The following CCDC146 variants were observed in gnomAD, a reference collection of about 807,000 sequenced individuals.
CCDC146 encodes the protein coiled-coil domain containing 146.
In CCDC146, 92 loss-of-function variants were observed where a neutral mutation model predicts 119.3. That is an observed-to-expected ratio of 0.77 (90% CI 0.65 to 0.92). CCDC146 has a LOEUF of 0.92. CCDC146 is among the 40% of genes least tolerant of loss of function. The pLI is 0.00. For missense variants in CCDC146, 1,000 were observed against 1,103.0 expected (o/e 0.91, Z 1.32); for synonymous variants, 372 against 371.8 (o/e 1.00, Z -0.01).
At chr7:77,274,795 G>A (rs957815481) in intron 11 of CCDC146, 143 bp downstream of exon 11, 5 of 604,692 alleles carry the variant, frequency 8.3e-6, no homozygotes, top group Non-Finnish European at 1.4e-5. Flanking sequence ...ACCAAACATT[G>A]CATGTTCTCA....
At chr7:77,148,708 A>T (rs578250724) in intron 1 of CCDC146, among the ~76,000 whole-genome samples, 1 of 152,288 alleles carries the variant, frequency 6.6e-6, no homozygotes, top group African/African-American at 2.4e-5. Context: ...GCACCAAATC[A>T]TGAGTAAACT....
intron 1 of CCDC146, among the ~76,000 whole-genome samples, chr7:77,153,408 G>A (rs1194210882): frequency 6.7e-6 from 1 of 149,620 alleles, no homozygotes; most frequent in Non-Finnish European, 1.5e-5. Context: ...TTCCAGCAAG[G>A]AGGACAGTGG....
At chr7:77,126,913 C>T (rs1406452184) in intron 1 of CCDC146, among the ~76,000 whole-genome samples, 2 of 152,090 alleles carry the variant, frequency 1.3e-5, no homozygotes, top group African/African-American at 4.8e-5. Flanking sequence ...GAAGGTAGAG[C>T]CTTACTGGGG....
chr7:77,130,597 C>CT (rs34309739), intron 1 of CCDC146, among the ~76,000 whole-genome samples: 4,940 of 125,720 alleles, frequency 0.039, 212 homozygotes, highest in African/African-American at 0.1. Context: ...TCCTTTCTTT[C>CT]TTTTTTTTTT....
intron 1 of CCDC146, among the ~76,000 whole-genome samples, chr7:77,166,543 G>T (rs897314377): frequency 6.3e-4 from 96 of 151,284 alleles, no homozygotes; most frequent in African/African-American, 2.2e-3. Context: ...TTGCAGAAAA[G>T]TGAGCCAGAA....
At chr7:77,133,520 ATTTG>A (rs1038492310) in intron 1 of CCDC146, among the ~76,000 whole-genome samples, 1 of 151,810 alleles carries the variant, frequency 6.6e-6, no homozygotes, top group African/African-American at 2.4e-5. Flanking sequence ...CCTAGCTAAT[ATTTG>A]TATTTTTAGT....
intron 2 of CCDC146, among the ~76,000 whole-genome samples, chr7:77,182,421 A>G (rs1446726847): frequency 2.6e-5 from 4 of 152,150 alleles, no homozygotes; most frequent in African/African-American, 7.2e-5. Context: ...TGATTGTTTT[A>G]CCATCTTATA....
chr7:77,219,260 T>G (rs1411477061), intron 2 of CCDC146, among the ~76,000 whole-genome samples: 1 of 152,224 alleles, frequency 6.6e-6, no homozygotes, highest in Admixed American at 6.5e-5. Context: ...ATCTATTTTT[T>G]AAACTTAAAA....
intron 9 of CCDC146, among the ~76,000 whole-genome samples, chr7:77,271,637 A>C (rs1793524284): frequency 6.8e-6 from 1 of 148,062 alleles, no homozygotes; most frequent in African/African-American, 2.5e-5. Context: ...TTGGCTAGGC[A>C]ACCAGGAGGC....
chr7:77,254,533 A>G lies in CCDC146; in HGVS notation c.477A>G (p.Val159=), dbSNP rs768528938. The G allele has an allele frequency of 6.5e-7, 1 of 1,548,458 alleles. No homozygotes were observed. Among genetic ancestry groups the G allele is most frequent in the East Asian group, 2.3e-5 (1 of 44,416 alleles). ...NSLKEEKIII[V]KEFEKITKPG... is the part of the protein sequence containing the mutation. ...TAAAGGAAGAAAAAATCATCATAGT[A>G]AAAGAATTTGAGAAGATAACAAAGC... The change falls in exon 5 of 19, where the codon GTA becomes GTG. Residue 159 remains valine, a synonymous_variant. Coordinates refer to ENST00000285871, the MANE Select transcript of CCDC146 (RefSeq NM_020879.3).
At chr7:77,205,841 T>A (rs888493525) in intron 2 of CCDC146, among the ~76,000 whole-genome samples, 1 of 152,196 alleles carries the variant, frequency 6.6e-6, no homozygotes, top group Admixed American at 6.5e-5. Flanking sequence ...TTTTATTATT[T>A]CTTAAAATGT....
At chr7:77,290,715 G>T (rs57159358) in intron 17 of CCDC146, among the ~76,000 whole-genome samples, 36,375 of 151,948 alleles carry the variant, frequency 0.24, 5,114 homozygotes, top group African/African-American at 0.39. Flanking sequence ...GATACATGCT[G>T]CTTAAAAATT....
At chr7:77,179,578 T>C (rs1791549696) in intron 2 of CCDC146, among the ~76,000 whole-genome samples, 1 of 152,182 alleles carries the variant, frequency 6.6e-6, no homozygotes, top group Non-Finnish European at 1.5e-5. Context: ...ATTTAGGTCA[T>C]TTCCAATCAT....
intron 2 of CCDC146, among the ~76,000 whole-genome samples, chr7:77,181,385 A>G (rs1201740101): frequency 1.3e-5 from 2 of 151,940 alleles, no homozygotes; most frequent in Non-Finnish European, 2.9e-5. Flanking sequence ...GTTAGTTGGC[A>G]TTTGAAAAGT....
rs1208983541 is a variant in CCDC146 at position 77,293,032 on chromosome 7, C to T, written c.2496C>T (p.Ala832=). The T allele has an allele frequency of 2.5e-6, 4 of 1,613,926 alleles. No homozygotes were observed. The highest frequency in any genetic ancestry group is 3.4e-6 in the Non-Finnish European group (4 of 1,179,994). The change falls in exon 18 of 19, where the codon GCC becomes GCT. Residue 832 remains alanine (A), a synonymous_variant. Coordinates refer to ENST00000285871, the MANE Select transcript of CCDC146 (RefSeq NM_020879.3). ...ALVAELSMKQ[A]LTIELQKEVR... ...TTGCTGAGCTGTCCATGAAACAAGC[C>T]CTAACCATTGAACTCCAAAAGGAAG...
At chr7:77,203,577 G>A (rs145400579) in intron 2 of CCDC146, among the ~76,000 whole-genome samples, 167 of 152,172 alleles carry the variant, frequency 1.1e-3, no homozygotes, top group African/African-American at 3.9e-3. Flanking sequence ...TCAGAAAATC[G>A]AAACCTGAAG....
chr7:77,284,276 A>G (rs1431773475), intron 15 of CCDC146, among the ~76,000 whole-genome samples: 1 of 152,140 alleles, frequency 6.6e-6, no homozygotes, highest in Non-Finnish European at 1.5e-5. Flanking sequence ...TCTTGGGGGC[A>G]CTGGAGACGC....
At chr7:77,130,370 C>T (rs1790764162) in intron 1 of CCDC146, among the ~76,000 whole-genome samples, 1 of 152,038 alleles carries the variant, frequency 6.6e-6, no homozygotes, top group Non-Finnish European at 1.5e-5. Context: ...AAAAATACCA[C>T]AAAGGTCTCA....
intron 1 of CCDC146, among the ~76,000 whole-genome samples, chr7:77,134,489 A>C (rs1274079693): frequency 6.6e-6 from 1 of 151,952 alleles, no homozygotes; most frequent in African/African-American, 2.4e-5. Flanking sequence ...TTTGTTCAAC[A>C]TTGTTTTATA....
Sources: gnomAD v4.1 joint callset for allele counts (sites outside exome capture counted in the v4.1 genomes callset) on GRCh38, gnomAD v4.1.1 for gene constraint, MANE v1.5 for transcripts, NCBI Gene and HGNC (gene_info 2026-07-23, HGNC 2026-07-21) for gene names.